The following ANXA10 variants were observed in gnomAD, a reference collection of about 807,000 sequenced individuals.
ANXA10 encodes the protein annexin 14.
A neutral mutation model predicts 53.5 loss-of-function variants in ANXA10; 49 were observed. The observed-to-expected ratio is 0.92, with a 90% CI of 0.73 to 1.16. ANXA10 has a LOEUF of 1.16. ANXA10 is among the 50% of genes most tolerant of loss of function. The pLI, the probability that ANXA10 is intolerant of heterozygous loss-of-function variation, is 0.00. For missense variants in ANXA10, 393 were observed against 394.4 expected (o/e 1.00, Z 0.03); for synonymous variants, 131 against 128.9 (o/e 1.02, Z -0.11).
At chr4:168,143,197 A>G (rs774448409) in intron 3 of ANXA10, among the ~76,000 whole-genome samples, 4 of 152,246 alleles carry the variant, frequency 2.6e-5, no homozygotes, top group Non-Finnish European at 4.4e-5. Flanking sequence ...GACATCTACC[A>G]CCGCTCACAT....
intron 4 of ANXA10, among the ~76,000 whole-genome samples, chr4:168,162,856 T>C (rs1476017882): frequency 1.3e-5 from 2 of 152,188 alleles, no homozygotes; most frequent in African/African-American, 2.4e-5. Flanking sequence ...GATCAGCCTG[T>C]TCTTTTGTTG....
intron 6 of ANXA10, among the ~76,000 whole-genome samples, chr4:168,173,010 GA>G (rs1310898612): frequency 6.6e-6 from 1 of 151,980 alleles, no homozygotes; most frequent in Non-Finnish European, 1.5e-5. Context: ...GGCTTGTCTT[GA>G]ACTCCTGACC....
At chr4:168,157,453 A>T (rs1731707749) in intron 3 of ANXA10, among the ~76,000 whole-genome samples, 1 of 151,994 alleles carries the variant, frequency 6.6e-6, no homozygotes, top group South Asian at 2.1e-4. Flanking sequence ...TTTTTAGTAG[A>T]GACAGGGTTT....
At chr4:168,142,853 T>C (rs1731347813) in intron 3 of ANXA10, among the ~76,000 whole-genome samples, 1 of 152,136 alleles carries the variant, frequency 6.6e-6, no homozygotes, top group Non-Finnish European at 1.5e-5. Context: ...AAGAGATCCT[T>C]GTGCATAATG....
At chr4:168,156,124 TTA>T (rs1273679189) in intron 3 of ANXA10, among the ~76,000 whole-genome samples, 10 of 30,772 alleles carry the variant, frequency 3.2e-4, no homozygotes, top group African/African-American at 4.7e-4. Flanking sequence ...TTATTTATAT[TTA>T]TATATATTAT....
chr4:168,162,866 G>A (rs1418237408), intron 4 of ANXA10, among the ~76,000 whole-genome samples: 2 of 152,154 alleles, frequency 1.3e-5, no homozygotes, highest in African/African-American at 4.8e-5. Context: ...TTCTTTTGTT[G>A]TACAAAGTCA....
intron 1 of ANXA10, among the ~76,000 whole-genome samples, chr4:168,105,385 G>A (rs1027082921): frequency 4.0e-5 from 6 of 151,896 alleles, no homozygotes; most frequent in African/African-American, 1.5e-4. Context: ...TTCTCTTCCT[G>A]TGGTAGTTTG....
At chr4:168,181,105 T>C (rs1732231538) in intron 9 of ANXA10, among the ~76,000 whole-genome samples, 1 of 152,136 alleles carries the variant, frequency 6.6e-6, no homozygotes, top group Admixed American at 6.6e-5. Context: ...TCTTTGAAGC[T>C]CTATTAATTT....
intron 1 of ANXA10, among the ~76,000 whole-genome samples, chr4:168,105,478 T>C (rs566689075): frequency 6.6e-6 from 1 of 152,208 alleles, no homozygotes; most frequent in African/African-American, 2.4e-5. Flanking sequence ...TAGTATTCCA[T>C]GTTGTATATG....
Position 168,187,357 on chromosome 4 carries a change from T to C in ANXA10, c.907-9T>C, listed in dbSNP as rs949800324. ...TTTTATTTCAAATATATTATATTTT[T>C]CTTTTCAGAATTTTGCTTCAGGGCA... On this transcript the variant is annotated splice_polypyrimidine_tract_variant and intron_variant, in intron 11 of 11. Coordinates refer to ENST00000359299, the MANE Select transcript of ANXA10 (RefSeq NM_007193.5). 5.1e-6 allele frequency: 8 copies of C among 1,562,728 alleles called. No homozygotes were observed. The highest frequency in any genetic ancestry group is 2.7e-5 in the African/African-American group (2 of 73,158).
intron 1 of ANXA10, among the ~76,000 whole-genome samples, chr4:168,112,122 CA>C (rs1205104011): frequency 1.3e-5 from 2 of 152,100 alleles, no homozygotes; most frequent in African/African-American, 4.8e-5. Context: ...GGAGAAACCC[CA>C]TCTCTACTAA....
chr4:168,156,162 T>A lies in ANXA10; in HGVS notation c.196-6366T>A, dbSNP rs1479564612. ...ATATAAAAATAATATATATTATATA[T>A]TATATATATTATATTATATATTATA... On this transcript the variant is annotated intron_variant, in intron 3 of 11. Coordinates refer to ENST00000359299, the MANE Select transcript of ANXA10 (RefSeq NM_007193.5). Among the ~76,000 whole-genome samples the A allele has an allele frequency of 2.1e-3, 109 of 50,896 alleles. 1 individual carries two copies. The highest frequency in any genetic ancestry group is 3.2e-3 in the Non-Finnish European group (98 of 30,856). The allele number at this position is 50,896 out of a possible 152,430, so 33.4% of individuals were successfully genotyped here.
chr4:168,121,939 G>GT (rs1730992377), intron 1 of ANXA10, among the ~76,000 whole-genome samples: 1 of 152,136 alleles, frequency 6.6e-6, no homozygotes, highest in South Asian at 2.1e-4. Context: ...CACCTCCTGG[G>GT]TTCAAGCAAT....
At chr4:168,144,762 G>T in intron 3 of ANXA10, among the ~76,000 whole-genome samples, 1 of 152,150 alleles carries the variant, frequency 6.6e-6, no homozygotes, top group East Asian at 1.9e-4. Context: ...AATTGAGTTT[G>T]AATTCCTATG....
intron 3 of ANXA10, among the ~76,000 whole-genome samples, chr4:168,149,903 C>A (rs1731469771): frequency 6.6e-6 from 1 of 152,168 alleles, no homozygotes; most frequent in Admixed American, 6.5e-5. Context: ...GAGGATACAA[C>A]CCTTTGAGGA....
At chr4:168,152,586 G>A (rs72691182) in intron 3 of ANXA10, among the ~76,000 whole-genome samples, 5,024 of 151,968 alleles carry the variant, frequency 0.033, 113 homozygotes, top group Non-Finnish European at 0.049. Flanking sequence ...GAGCAGAGGA[G>A]TAACTAATTT....
At chr4:168,115,937 A>G (rs148575546) in intron 1 of ANXA10, among the ~76,000 whole-genome samples, 5 of 152,320 alleles carry the variant, frequency 3.3e-5, no homozygotes, top group Admixed American at 6.5e-5. Flanking sequence ...TAAATAAAAG[A>G]TGTCACTGTG....
At chr4:168,160,740 A>C (rs1188901179) in intron 3 of ANXA10, among the ~76,000 whole-genome samples, 1 of 152,130 alleles carries the variant, frequency 6.6e-6, no homozygotes, top group East Asian at 1.9e-4. Flanking sequence ...TTGACTTTTT[A>C]GTAATCACCC....
intron 1 of ANXA10, among the ~76,000 whole-genome samples, chr4:168,112,950 G>T (rs1265443235): frequency 6.6e-6 from 1 of 151,968 alleles, no homozygotes. Flanking sequence ...TTTAATTTGG[G>T]AGGCAAAGGT....
Sources: allele counts gnomAD v4.1 joint callset (sites outside exome capture counted in the v4.1 genomes callset), GRCh38; gene constraint gnomAD v4.1.1; transcripts MANE v1.5; gene names NCBI Gene and HGNC (gene_info 2026-07-23, HGNC 2026-07-21).